HNRNPD: variants seen among roughly 807,000 people sequenced by gnomAD.
HNRNPD encodes heterogeneous nuclear ribonucleoprotein D0.
In HNRNPD, 3 loss-of-function variants were observed where a neutral mutation model predicts 47.9. That is an observed-to-expected ratio of 0.06 (90% CI 0.03 to 0.16). HNRNPD has a LOEUF of 0.16. HNRNPD is among the 10% of genes least tolerant of loss of function. The probability of loss-of-function intolerance (pLI) is 1.00; values close to 1 mark genes in which losing one functional copy is unlikely to be tolerated. For missense variants in HNRNPD, 287 were observed against 454.2 expected (o/e 0.63, Z 3.35); for synonymous variants, 171 against 165.1 (o/e 1.04, Z -0.28).
rs754253612 is a variant in HNRNPD at position 82,357,454 on chromosome 4, A to T, written c.622-10T>A. 1.3e-6 allele frequency: 2 copies of T among 1,589,062 alleles called. No homozygotes were observed. The highest frequency in any genetic ancestry group is 2.3e-5 in the South Asian group (2 of 86,052). ...GCTCTATGGATTCCACCTGGTATTA[A>T]AAAACAAATTTTAATATGCTAACAT... On this transcript the variant is annotated splice_polypyrimidine_tract_variant and intron_variant, in intron 4 of 8. Transcript: ENST00000313899.
intron 2 of HNRNPD, among the ~76,000 whole-genome samples, chr4:82,365,340 G>A (rs773113924): frequency 2.0e-5 from 3 of 152,092 alleles, no homozygotes; most frequent in African/African-American, 4.8e-5. Flanking sequence ...TTAAAGTAAT[G>A]TTACTCAAGC....
chr4:82,353,351 T>A lies in HNRNPD; in HGVS notation c.*834A>T, dbSNP rs1007281265. 6.6e-6 allele frequency: 1 copy of A among 152,106 alleles called. No individual in the cohort carries two copies. Among genetic ancestry groups the A allele is most frequent in the Non-Finnish European group, 1.5e-5 (1 of 67,992 alleles). The allele number at this position is 152,106 out of a possible 1,614,324, so 9.4% of individuals were successfully genotyped here. On this transcript the variant is annotated 3_prime_UTR_variant, in exon 9 of 9. Transcript: ENST00000313899. The stretch of plus-strand genomic sequence containing the variant: ...ATAAACACGGTATATATTTCTTTAA[T>A]CCTCCCTCAACACTTGAATTCATCT...
At chr4:82,373,124 G>A (rs371855908) in intron 1 of HNRNPD, 3 of 573,234 alleles carry the variant, frequency 5.2e-6, no homozygotes, top group East Asian at 8.1e-5. Context: ...GGTACCCCAC[G>A]ACAGGCGGGA....
chr4:82,365,467 G>A (rs772450168), intron 2 of HNRNPD, among the ~76,000 whole-genome samples: 1 of 151,906 alleles, frequency 6.6e-6, no homozygotes, highest in Non-Finnish European at 1.5e-5. Flanking sequence ...GAAGGGAGGA[G>A]GTTACAATGC....
chr4:82,363,352 G>A (rs1028043867), intron 2 of HNRNPD, among the ~76,000 whole-genome samples: 5 of 152,006 alleles, frequency 3.3e-5, no homozygotes, highest in African/African-American at 9.7e-5. Context: ...TTAGAGGCGC[G>A]AGCCACCATG....
chr4:82,371,470 C>G (rs1720044938), intron 2 of HNRNPD, 58 bp downstream of exon 2: 1 of 1,358,214 alleles, frequency 7.4e-7, no homozygotes, highest in African/African-American at 1.5e-5. Flanking sequence ...TACACAGCCT[C>G]TACATATTAT....
intron 1 of HNRNPD, among the ~76,000 whole-genome samples, chr4:82,371,830 GT>G (rs1176334889): frequency 1.3e-5 from 2 of 152,154 alleles, no homozygotes; most frequent in African/African-American, 2.4e-5. Flanking sequence ...AATGTTAAAG[GT>G]TTTAAGTTTC....
chr4:82,365,576 G>T (rs1443605586), intron 2 of HNRNPD, among the ~76,000 whole-genome samples: 1 of 151,804 alleles, frequency 6.6e-6, no homozygotes, highest in Non-Finnish European at 1.5e-5. Context: ...ATACTAACCA[G>T]CCTTTTTAGA....
Position 82,373,754 on chromosome 4 carries a change from C to A in HNRNPD, c.-76G>T. On this transcript the variant is annotated 5_prime_UTR_variant, in exon 1 of 9. Coordinates refer to ENST00000313899, the MANE Select transcript of HNRNPD (RefSeq NM_031370.3). ...GAACCGAAACTAGCAGCAAAGTAAT[C>A]CCCGCCGCTGCCGCGCGCCCGCTCT... 1 of 1,527,504 alleles carries A rather than the reference C, an allele frequency of 6.5e-7. No homozygotes were observed. Among genetic ancestry groups the A allele is most frequent in the Non-Finnish European group, 8.7e-7 (1 of 1,144,006 alleles). The allele number at this position is 1,527,504 out of a possible 1,614,324, so 94.6% of individuals were successfully genotyped here. A position where few individuals can be genotyped will look rare whatever the true frequency, so the allele number is the denominator to read the frequency against.
Position 82,373,552 on chromosome 4 carries a change from T to G in HNRNPD, c.127A>C (p.Ser43Arg). Residue 43 changes from serine to arginine, a missense_variant, in exon 1 of 9, where the codon AGC (serine) becomes CGC (arginine). This residue lies in a region of HNRNPD where 161 missense variants were observed against 137.1 expected (regional missense o/e 1.17). Coordinates refer to ENST00000313899, the MANE Select transcript of HNRNPD (RefSeq NM_031370.3). ...GTTCCGCCCCCGGTCCCGGCTCCGC[T>G]TCCCGCCGCCGCCGCTGCCCCCTGT... ...ATQGAAAAAGSGAGTGGGTAS... is the reference protein window; with the variant it reads ...ATQGAAAAAGRGAGTGGGTAS... 1 of 1,538,548 alleles carries G rather than the reference T, an allele frequency of 6.5e-7. No homozygotes were observed. The highest frequency in any genetic ancestry group is 8.7e-7 in the Non-Finnish European group (1 of 1,142,880).
chr4:82,365,048 T>C (rs1007627173), intron 2 of HNRNPD, among the ~76,000 whole-genome samples: 3 of 152,214 alleles, frequency 2.0e-5, no homozygotes, highest in African/African-American at 7.2e-5. Flanking sequence ...CTATGTTCTA[T>C]AACTTCGTAT....
chr4:82,366,040 C>T (rs978172725), intron 2 of HNRNPD, among the ~76,000 whole-genome samples: 3 of 151,986 alleles, frequency 2.0e-5, no homozygotes, highest in African/African-American at 7.3e-5. Context: ...AATAGGTATT[C>T]CTCTCCCCCA....
chr4:82,373,249 G>C (rs567059412), intron 1 of HNRNPD, 197 bp downstream of exon 1: 7 of 762,222 alleles, frequency 9.2e-6, no homozygotes, highest in Admixed American at 2.2e-5. Context: ...GATGGGGGAG[G>C]GGGGCGATAA....
chr4:82,362,453 G>A (rs960009426), intron 2 of HNRNPD, among the ~76,000 whole-genome samples: 2 of 151,348 alleles, frequency 1.3e-5, no homozygotes, highest in South Asian at 4.2e-4. Context: ...AATCAAAAAA[G>A]GTTGTTGTTC....
In HNRNPD at chr4:82,373,518, C is replaced by A. The variant is rs901613560; in HGVS notation, c.161G>T (p.Gly54Val). The A allele has an allele frequency of 2.1e-5, 32 of 1,544,496 alleles. No homozygotes were observed. The highest frequency in any genetic ancestry group is 2.5e-5 in the Non-Finnish European group (29 of 1,144,428). The part of the protein sequence containing the change: ...GAGTGGGTAS[G>V]GTEGGSAESE... ...CTCGGCGCTGCCCCCTTCGGTGCCTCCAGACGCGGTTCCGCCCCCGGTCCC... is the reference window on the plus strand; with the variant it reads ...CTCGGCGCTGCCCCCTTCGGTGCCTACAGACGCGGTTCCGCCCCCGGTCCC... The change falls in exon 1 of 9, where the codon GGA (glycine) becomes GTA (valine). Residue 54 changes from glycine to valine, a missense_variant. Physicochemically the swap from Gly to Val is moderately radical, Grantham distance 109 (BLOSUM62 -3). Transcript: ENST00000313899.
chr4:82,362,050 A>C (rs1192543927), intron 2 of HNRNPD, among the ~76,000 whole-genome samples: 1 of 152,226 alleles, frequency 6.6e-6, no homozygotes, highest in East Asian at 1.9e-4. Context: ...AATTGTTTTT[A>C]ACCTTCAATC....
intron 2 of HNRNPD, among the ~76,000 whole-genome samples, chr4:82,370,274 T>C (rs1010924420): frequency 1.6e-4 from 24 of 152,230 alleles, no homozygotes; most frequent in African/African-American, 5.5e-4. Flanking sequence ...GTTGTAATAT[T>C]ACATCGTTTT....
intron 2 of HNRNPD, among the ~76,000 whole-genome samples, chr4:82,366,502 C>T (rs1300851912): frequency 3.3e-5 from 5 of 152,158 alleles, no homozygotes; most frequent in Non-Finnish European, 7.3e-5. Context: ...CGTCAGCCTC[C>T]CAAAGTGCTG....
chr4:82,371,457 C>T (rs1720044354), intron 2 of HNRNPD, 71 bp downstream of exon 2: 18 of 1,222,378 alleles, frequency 1.5e-5, no homozygotes, highest in Non-Finnish European at 2.0e-5. Flanking sequence ...GGCAACTAAC[C>T]AATACACAGC....
Sources: allele counts gnomAD v4.1 joint callset (sites outside exome capture counted in the v4.1 genomes callset), GRCh38; gene constraint gnomAD v4.1.1; regional missense constraint gnomAD v4.1.1; transcripts MANE v1.5; gene names NCBI Gene and HGNC (gene_info 2026-07-23, HGNC 2026-07-21).